CRACD: variants seen among roughly 807,000 people sequenced by gnomAD.
CRACD encodes capping protein inhibiting regulator of actin dynamics.
A neutral mutation model predicts 106.8 loss-of-function variants in CRACD; 56 were observed. The observed-to-expected ratio is 0.52, with a 90% CI of 0.42 to 0.66. The LOEUF (loss-of-function observed/expected upper bound fraction) is 0.66. CRACD is among the 30% of genes least tolerant of loss of function. The probability of loss-of-function intolerance (pLI) is 0.00; values close to 1 mark genes in which losing one functional copy is unlikely to be tolerated. For synonymous variants in CRACD, 754 were observed against 670.8 expected, an observed-to-expected ratio of 1.12 and a Z score of -1.92; for missense variants, 1,730 against 1,623.2, an observed-to-expected ratio of 1.07 and a Z score of -1.13.
intron 1 of CRACD, among the ~76,000 whole-genome samples, chr4:56,112,853 C>T (rs1734164099): frequency 1.3e-5 from 2 of 152,058 alleles, no homozygotes; most frequent in Admixed American, 1.3e-4. Flanking sequence ...TTGGAGGGCC[C>T]CATGGGCCGC....
At chr4:56,080,471 A>G (rs1252846936) in intron 1 of CRACD, among the ~76,000 whole-genome samples, 1 of 152,242 alleles carries the variant, frequency 6.6e-6, no homozygotes, top group Non-Finnish European at 1.5e-5. Context: ...AAGTCCAAAG[A>G]TCAGATGTCA....
intron 1 of CRACD, among the ~76,000 whole-genome samples, chr4:56,073,315 G>GTT (rs1019261620): frequency 3.2e-4 from 49 of 152,268 alleles, no homozygotes; most frequent in African/African-American, 1.1e-3. Context: ...GCGTGAAATA[G>GTT]TATCTCATTG....
chr4:56,311,974 A>T (rs1166104703), intron 6 of CRACD, among the ~76,000 whole-genome samples: 1 of 151,196 alleles, frequency 6.6e-6, no homozygotes, highest in East Asian at 2.0e-4. Context: ...CCTTCATCTG[A>T]GGTTGTGTTT....
chr4:56,127,606 G>A (rs1404656289), intron 1 of CRACD, among the ~76,000 whole-genome samples: 7 of 152,150 alleles, frequency 4.6e-5, no homozygotes, highest in Non-Finnish European at 8.8e-5. Context: ...TAATGTTTTC[G>A]GAAGGTAATA....
intron 1 of CRACD, among the ~76,000 whole-genome samples, chr4:56,173,431 A>G (rs138674165): frequency 5.8e-4 from 88 of 152,366 alleles, no homozygotes; most frequent in Non-Finnish European, 5.0e-4. Context: ...AACTCCAAAT[A>G]TGAGTGTTCA....
chr4:56,273,706 G>A (rs999260613), intron 3 of CRACD, among the ~76,000 whole-genome samples: 2 of 152,136 alleles, frequency 1.3e-5, no homozygotes, highest in African/African-American at 4.8e-5. Context: ...CACTTTCTAT[G>A]GAAATTATTG....
intron 2 of CRACD, among the ~76,000 whole-genome samples, chr4:56,184,111 C>T (rs1440284182): frequency 6.6e-6 from 1 of 152,162 alleles, no homozygotes; most frequent in African/African-American, 2.4e-5. Flanking sequence ...TGATCTGTCG[C>T]CCAGGCTGGA....
rs117227854 is a variant in CRACD, at chr4:56,315,328, A to G, written c.1826A>G (p.Asn609Ser). Reference sequence around the variant, plus strand: ...GCGCAGCTCTGTGGCCCGGCAGTCAACCTGAGCCAGATCAAGGACACCGCG... The same window carrying G: ...GCGCAGCTCTGTGGCCCGGCAGTCAGCCTGAGCCAGATCAAGGACACCGCG... ...TGAQLCGPAV[N>S]LSQIKDTACK... Residue 609 changes from asparagine to serine, a missense_variant, in exon 8 of 11, where the codon AAC becomes AGC. Asn to Ser is a conservative substitution (Grantham distance 46, BLOSUM62 1). Transcript: ENST00000682029. This position sits in a 1 kb window ranked among gnomAD's most constrained non-coding sequence, Gnocchi z 4.1. 1.9e-6 allele frequency: 3 copies of G among 1,613,856 alleles called. No individual in the cohort carries two copies. The highest frequency in any genetic ancestry group is 4.5e-5 in the East Asian group (2 of 44,854).
chr4:56,104,690 G>A (rs1210310736), intron 1 of CRACD, among the ~76,000 whole-genome samples: 8 of 152,240 alleles, frequency 5.3e-5, no homozygotes, highest in East Asian at 1.9e-4. Flanking sequence ...TAAATAGGCC[G>A]GGCGCCGTGG....
At chr4:56,189,818 C>CTATTAT (rs1011414504) in intron 2 of CRACD, among the ~76,000 whole-genome samples, 1 of 136,068 alleles carries the variant, frequency 7.3e-6, no homozygotes, top group Non-Finnish European at 1.6e-5. Flanking sequence ...ATTATTATTA[C>CTATTAT]TATTATTATT....
chr4:56,075,160 GTC>G (rs1732797347), intron 1 of CRACD, among the ~76,000 whole-genome samples: 1 of 152,068 alleles, frequency 6.6e-6, no homozygotes, highest in Non-Finnish European at 1.5e-5. Flanking sequence ...TTTTTGTTGT[GTC>G]TCTGCCAGAT....
intron 2 of CRACD, among the ~76,000 whole-genome samples, chr4:56,218,052 G>GT (rs1203811380): frequency 1.3e-5 from 2 of 151,784 alleles, no homozygotes; most frequent in African/African-American, 2.4e-5. Flanking sequence ...CTTTCTCTAG[G>GT]TGTGTCTTTG....
At chr4:56,174,829 T>C (rs1336434680) in intron 1 of CRACD, among the ~76,000 whole-genome samples, 1 of 152,156 alleles carries the variant, frequency 6.6e-6, no homozygotes, top group East Asian at 1.9e-4. Flanking sequence ...AGAGGTTTAA[T>C]AGACTCACAG....
intron 1 of CRACD, among the ~76,000 whole-genome samples, chr4:56,177,437 A>G (rs540257501): frequency 8.1e-4 from 124 of 152,212 alleles, no homozygotes; most frequent in African/African-American, 2.4e-3. Context: ...GATCATTTCA[A>G]TGGGATGTTG....
At chr4:56,298,171 A>C in intron 3 of CRACD, 43 bp from the exon 4 acceptor site, 1 of 1,586,790 alleles carries the variant, frequency 6.3e-7, no homozygotes, top group Admixed American at 1.8e-5. Context: ...TTGCCAAAAG[A>C]AATTTTATCC....
intron 5 of CRACD, among the ~76,000 whole-genome samples, chr4:56,308,488 CAAACA>C (rs766922497): frequency 2.3e-5 from 2 of 86,724 alleles, no homozygotes; most frequent in Admixed American, 9.9e-5. Flanking sequence ...AATGAAAAAA[CAAACA>C]AAAAAAAAAC....
chr4:56,282,576 T>C (rs999106586), intron 3 of CRACD, among the ~76,000 whole-genome samples: 4 of 152,234 alleles, frequency 2.6e-5, no homozygotes, highest in Non-Finnish European at 4.4e-5. Flanking sequence ...TCTGGAAGAC[T>C]TTCCAAGTTC....
intron 1 of CRACD, among the ~76,000 whole-genome samples, chr4:56,057,814 G>GTTTTTTTTTTTTTTTTTTTTTTT (rs1167413474): frequency 1.5e-5 from 1 of 67,324 alleles, no homozygotes; most frequent in Non-Finnish European, 2.7e-5. Context: ...TTTTTTTTTT[G>GTTTTTTTTTTTTTTTTTTTTTTT]TTTTTTTTTT....
chr4:56,164,839 A>G (rs1736083062), intron 1 of CRACD, among the ~76,000 whole-genome samples: 1 of 152,248 alleles, frequency 6.6e-6, no homozygotes, highest in Non-Finnish European at 1.5e-5. Flanking sequence ...TCAGGCAAAG[A>G]TAAATGGAGA....
Sources: gnomAD v4.1 joint callset for allele counts (sites outside exome capture counted in the v4.1 genomes callset) on GRCh38, gnomAD v4.1.1 for gene constraint, Gnocchi (gnomAD v3.1) non-coding constraint, MANE v1.5 for transcripts, NCBI Gene and HGNC (gene_info 2026-07-23, HGNC 2026-07-21) for gene names.